Variants in TSG101 observed in about 807,000 individuals in gnomAD.
The protein encoded by TSG101 is tumor susceptibility gene 101 protein.
Under a neutral mutation model 48.5 loss-of-function variants are expected in TSG101, and 19 were observed. The observed-to-expected ratio is 0.39, with a 90% CI of 0.27 to 0.58. The LOEUF (loss-of-function observed/expected upper bound fraction) is 0.58. Among genes scored for constraint, TSG101 ranks in the 20% least tolerant of loss-of-function variants. The pLI, the probability that TSG101 is intolerant of heterozygous loss-of-function variation, is 0.55. For missense variants in TSG101, 365 were observed against 484.4 expected, an observed-to-expected ratio of 0.75 and a Z score of 2.31; for synonymous variants, 174 against 169.4, an observed-to-expected ratio of 1.03 and a Z score of -0.21.
chr11:18,499,215 T>C (rs2133915264), intron 7 of TSG101, among the ~76,000 whole-genome samples: 1 of 129,804 alleles, frequency 7.7e-6, no homozygotes, highest in South Asian at 2.2e-4. Context: ...ATATAAAATA[T>C]ATATATTTAT....
In TSG101 at chr11:18,480,594, T is replaced by C. The variant is rs1486426725; in HGVS notation, c.1125A>G (p.Ala375=). 6.2e-7 allele frequency: 1 copy of C among 1,613,876 alleles called. No individual in the cohort carries two copies. Among genetic ancestry groups the C allele is most frequent in the Non-Finnish European group, 8.5e-7 (1 of 1,179,968 alleles). Residue 375 remains alanine (A), a synonymous_variant, in exon 10 of 10, where the codon GCA becomes GCG. Coordinates refer to ENST00000251968, the MANE Select transcript of TSG101 (RefSeq NM_006292.4). ...CAGTCTTTCTTGCTTTTTGCATTAG[T>C]GCCCTCAGCTGGAACTGTTTACGGG... ...LLSRKQFQLR[A]LMQKARKTAG...
chr11:18,495,840 C>T (rs573512068), intron 7 of TSG101, among the ~76,000 whole-genome samples: 27 of 151,498 alleles, frequency 1.8e-4, no homozygotes, highest in Admixed American at 1.1e-3. Flanking sequence ...AGGAGAATGG[C>T]GTGAACCTGG....
At chr11:18,492,180 C>A (rs1391156749) in intron 7 of TSG101, among the ~76,000 whole-genome samples, 3 of 152,140 alleles carry the variant, frequency 2.0e-5, no homozygotes, top group Non-Finnish European at 2.9e-5. Flanking sequence ...TCTAGAAGAA[C>A]CTGTCTTATA....
chr11:18,486,665 T>TG (rs1446680084), intron 7 of TSG101, among the ~76,000 whole-genome samples: 2 of 151,704 alleles, frequency 1.3e-5, no homozygotes, highest in Non-Finnish European at 2.9e-5. Flanking sequence ...TTTACACTGT[T>TG]GGTGGGACTG....
Position 18,484,083 on chromosome 11 carries a change from C to A in TSG101, c.641-11G>T, listed in dbSNP as rs185939494. On this transcript the variant is annotated splice_polypyrimidine_tract_variant and intron_variant, in intron 7 of 9. Coordinates refer to ENST00000251968, the MANE Select transcript of TSG101 (RefSeq NM_006292.4). Reference sequence around the variant, plus strand: ...CATCCCTACTGGGACCTGCAGGAAACAGAGGCAAAAAACACTTGCTTACTT... The same window carrying A: ...CATCCCTACTGGGACCTGCAGGAAAAAGAGGCAAAAAACACTTGCTTACTT... 9.8e-3 allele frequency: 15,867 copies of A among 1,612,028 alleles called. 99 individuals are homozygous for A. The highest frequency in any genetic ancestry group is 0.011 in the Non-Finnish European group (13,458 of 1,178,984).
chr11:18,514,980 A>T, intron 3 of TSG101, 139 bp from the exon 4 acceptor site: 1 of 771,648 alleles, frequency 1.3e-6, no homozygotes. Context: ...CCCCAGCAGA[A>T]TTTATTTCCT....
At chr11:18,526,599 G>T (rs373949414) in intron 1 of TSG101, among the ~76,000 whole-genome samples, 176 bp downstream of exon 1, 1 of 152,380 alleles carries the variant, frequency 6.6e-6, no homozygotes, top group African/African-American at 2.4e-5. Context: ...CCCGTACGGG[G>T]ATTCCCGCAC....
chr11:18,508,060 C>A (rs1850003871), intron 5 of TSG101, among the ~76,000 whole-genome samples: 1 of 150,316 alleles, frequency 6.7e-6, no homozygotes, highest in Non-Finnish European at 1.5e-5. Flanking sequence ...TACCACTGCA[C>A]TCCGGCCTGG....
intron 6 of TSG101, among the ~76,000 whole-genome samples, chr11:18,503,370 ATTT>A (rs397848238): frequency 7.6e-6 from 1 of 130,834 alleles, no homozygotes. Context: ...TTCAGGTTAA[ATTT>A]TTTTTTTTTT....
chr11:18,512,850 C>G (rs1453325406), intron 4 of TSG101, among the ~76,000 whole-genome samples: 1 of 151,572 alleles, frequency 6.6e-6, no homozygotes, highest in Non-Finnish European at 1.5e-5. Context: ...GCCTCAGCCT[C>G]CGGAGTAGCT....
rs143062912 is a variant in TSG101 at position 18,492,240 on chromosome 11, T to C, written c.641-8168A>G. Among the ~76,000 whole-genome samples the C allele has an allele frequency of 8.6e-4, 131 of 152,332 alleles. 1 individual carries two copies. The East Asian group carries it at 0.019, about 22-fold the overall frequency. On this transcript the variant is annotated intron_variant, in intron 7 of 9. Coordinates refer to ENST00000251968, the MANE Select transcript of TSG101 (RefSeq NM_006292.4). ...TCTTGTGAGACAGGAAGGAAAATCC[T>C]TCTCCCATAGATTACGTACCTAAAT...
At chr11:18,516,928 G>A (rs1850187718) in intron 2 of TSG101, among the ~76,000 whole-genome samples, 1 of 152,110 alleles carries the variant, frequency 6.6e-6, no homozygotes. Flanking sequence ...GGCAACAAGA[G>A]CAAAACTCCA....
At position 18,509,503 on chromosome 11, in the gene TSG101, T is replaced by C. The variant is rs1157758437; in HGVS notation, c.481+39A>G. 3 of 1,597,668 alleles carry C rather than the reference T, an allele frequency of 1.9e-6. No individual in the cohort carries two copies. In the East Asian group the frequency reaches 6.7e-5, roughly 36 times the overall value. On this transcript the variant is annotated intron_variant, in intron 5 of 9. Coordinates refer to ENST00000251968, the MANE Select transcript of TSG101 (RefSeq NM_006292.4). ...TTACAAAGGTTTCTGTTCTCTTTTG[T>C]TTATATGAGTTTTAAAGTAAAATCT...
intron 1 of TSG101, among the ~76,000 whole-genome samples, chr11:18,520,494 G>A (rs1850252037): frequency 2.0e-5 from 3 of 152,082 alleles, no homozygotes; most frequent in African/African-American, 7.2e-5. Flanking sequence ...CAAAGTGTTG[G>A]GATTTACAGG....
chr11:18,525,968 G>A (rs953498614), intron 1 of TSG101, among the ~76,000 whole-genome samples: 1 of 152,108 alleles, frequency 6.6e-6, no homozygotes, highest in Non-Finnish European at 1.5e-5. Flanking sequence ...AAGCTAACAC[G>A]TTGAACTGGT....
intron 8 of TSG101, 102 bp from the exon 9 acceptor site, chr11:18,481,971 A>G: frequency 6.8e-7 from 1 of 1,470,450 alleles, no homozygotes; most frequent in Non-Finnish European, 9.1e-7. Flanking sequence ...AACCATGTTT[A>G]AACAACTCAT....
intron 7 of TSG101, among the ~76,000 whole-genome samples, chr11:18,498,193 G>A (rs918912220): frequency 3.9e-5 from 6 of 152,200 alleles, no homozygotes; most frequent in Non-Finnish European, 7.3e-5. Context: ...AGTAGGAGAT[G>A]AGGTCAGAAA....
At position 18,485,977 on chromosome 11, in the gene TSG101, C is replaced by G. The variant is rs139774651; in HGVS notation, c.641-1905G>C. 2.9e-3 allele frequency among the ~76,000 whole-genome samples: 446 copies of G among 152,270 alleles called. 3 individuals are homozygous for G. Among genetic ancestry groups the G allele is most frequent in the African/African-American group, 9.9e-3 (413 of 41,558 alleles). On this transcript the variant is annotated intron_variant, in intron 7 of 9. Transcript: ENST00000251968. ...GTTTGCCCACCCTTTCCCATTGATT[C>G]TTCCTCAATAATGCCTTTTAACCAA...
intron 7 of TSG101, among the ~76,000 whole-genome samples, chr11:18,500,138 A>G (rs1849865858): frequency 6.6e-6 from 1 of 152,032 alleles, no homozygotes; most frequent in African/African-American, 2.4e-5. Context: ...AATTCCATCC[A>G]TGTTGCTACA....
Sources: allele counts gnomAD v4.1 joint callset (sites outside exome capture counted in the v4.1 genomes callset), GRCh38; gene constraint gnomAD v4.1.1; transcripts MANE v1.5; gene names NCBI Gene and HGNC (gene_info 2026-07-23, HGNC 2026-07-21).